The following PRDM10 variants were observed in gnomAD, a reference collection of about 807,000 sequenced individuals.
The protein encoded by PRDM10 is PR domain zinc finger protein 10.
A neutral mutation model predicts 133.1 loss-of-function variants in PRDM10; 65 were observed. The ratio of observed to expected loss-of-function variants is 0.49; its 90% CI spans 0.40 to 0.60. PRDM10 has a LOEUF of 0.60. Ranked by LOEUF, PRDM10 falls within the 20% of genes least tolerant of loss-of-function variation. PRDM10 has a pLI of 0.00. For synonymous variants in PRDM10, 582 were observed against 580.4 expected (o/e 1.00, Z -0.04); for missense variants, 1,137 against 1,507.1 (o/e 0.75, Z 4.07).
intron 4 of PRDM10, chr11:129,948,065 G>A (rs1208203870): frequency 2.2e-6 from 1 of 456,582 alleles, no homozygotes; most frequent in Non-Finnish European, 4.4e-6. Flanking sequence ...AAGAATGAAA[G>A]AGATGAGGTG....
intron 1 of PRDM10, among the ~76,000 whole-genome samples, chr11:129,975,397 C>A (rs1937704570): frequency 6.6e-6 from 1 of 151,766 alleles, no homozygotes; most frequent in Admixed American, 6.6e-5. Context: ...TGCACTCCAG[C>A]CTGGATAACA....
chr11:129,997,497 A>G (rs1250627955), intron 1 of PRDM10, among the ~76,000 whole-genome samples: 1 of 152,210 alleles, frequency 6.6e-6, no homozygotes, highest in African/African-American at 2.4e-5. Flanking sequence ...AGAAAAGGAA[A>G]AAAAAAAGAC....
intron 6 of PRDM10, 62 bp downstream of exon 6, chr11:129,944,709 A>T: frequency 6.3e-7 from 1 of 1,585,816 alleles, no homozygotes; most frequent in Non-Finnish European, 8.6e-7. Context: ...TGAGTAGACA[A>T]CGCAGTGCTC....
chr11:129,906,098 C>G lies in PRDM10; in HGVS notation c.3164-357G>C, dbSNP rs1950008058. Among the ~76,000 whole-genome samples, 4 of 152,116 alleles carry G rather than the reference C, an allele frequency of 2.6e-5. No homozygotes were observed. In the South Asian group the frequency reaches 8.3e-4, roughly 32 times the overall value. ...ATTTGAATTTGTGACACAAATGTAT[C>G]CACACTTGGCAATTATAATTTAATC... On this transcript the variant is annotated intron_variant, in intron 19 of 20. Coordinates refer to ENST00000360871, the MANE Select transcript of PRDM10 (RefSeq NM_199437.2).
chr11:129,963,446 G>GAAGAGAAGAGAAGAGAAGAGAAGAGAA (rs1951842555), intron 1 of PRDM10, among the ~76,000 whole-genome samples: 4 of 148,782 alleles, frequency 2.7e-5, no homozygotes, highest in Non-Finnish European at 5.9e-5. Flanking sequence ...GAAGAGAAGA[G>GAAGAGAAGAGAAGAGAAGAGAAGAGAA]AAGAGAAGAA....
chr11:129,971,339 G>A (rs771751149), intron 1 of PRDM10, among the ~76,000 whole-genome samples: 9 of 152,088 alleles, frequency 5.9e-5, no homozygotes, highest in African/African-American at 1.9e-4. Context: ...AGAGCCCAGT[G>A]GTCTGTTTTG....
At chr11:129,960,060 T>C (rs1951768255) in intron 2 of PRDM10, among the ~76,000 whole-genome samples, 1 of 151,998 alleles carries the variant, frequency 6.6e-6, no homozygotes, top group Non-Finnish European at 1.5e-5. Flanking sequence ...ATTTGGTCCA[T>C]ACTGAGACTT....
At chr11:129,929,699 T>G (rs1950790786) in intron 11 of PRDM10, among the ~76,000 whole-genome samples, 1 of 150,470 alleles carries the variant, frequency 6.6e-6, no homozygotes, top group African/African-American at 2.4e-5. Flanking sequence ...GGCTGGACTG[T>G]GTTTGTGCAT....
intron 1 of PRDM10, among the ~76,000 whole-genome samples, chr11:129,989,642 T>C (rs1938623251): frequency 1.3e-5 from 2 of 152,216 alleles, no homozygotes. Flanking sequence ...GTTGTTAGGA[T>C]AAACTCCTGG....
chr11:129,971,882 G>A (rs968575911), intron 1 of PRDM10, among the ~76,000 whole-genome samples: 1 of 152,236 alleles, frequency 6.6e-6, no homozygotes, highest in African/African-American at 2.4e-5. Context: ...GTAGAGCAGG[G>A]GGCGGCGCTC....
rs537504082 is a variant in PRDM10, at chr11:129,938,532, T to G, written c.967-862A>C. ...TTCTCCATCCCCGCTTTTGCCACCC[T>G]GATGCATGCCAAGACCATTTCTTGC... is the stretch of plus-strand genomic sequence containing the variant. On this transcript the variant is annotated intron_variant, in intron 7 of 20. Transcript: ENST00000360871. Among the ~76,000 whole-genome samples the G allele has an allele frequency of 3.3e-5, 5 of 152,284 alleles. No individual in the cohort carries two copies. In the South Asian group the frequency reaches 1.0e-3, roughly 32 times the overall value.
At chr11:129,916,979 C>T in intron 15 of PRDM10, 148 bp downstream of exon 15, 1 of 519,452 alleles carries the variant, frequency 1.9e-6, no homozygotes. Context: ...ATTTCTAGTC[C>T]TTTCTTGTCT....
chr11:129,924,734 T>C, intron 12 of PRDM10, 148 bp downstream of exon 12: 2 of 677,862 alleles, frequency 3.0e-6, no homozygotes, highest in Admixed American at 6.3e-5. Flanking sequence ...TAAAAGTAGT[T>C]TGATTGAAGA....
At position 129,947,176 on chromosome 11, in the gene PRDM10, G is replaced by A. The variant is rs760228012; in HGVS notation, c.489C>T (p.Asp163=). The change falls in exon 5 of 21, where the codon GAC becomes GAT. Residue 163 remains aspartate, a synonymous_variant. Transcript: ENST00000360871. The surrounding 1 kb of genome is among the most constrained non-coding windows in gnomAD (Gnocchi z 4.6). ...EDTDLDDWEP[D]PPRPFDPHDL... ...CGTGTGGGTCGAAGGGCCGGGGCGG[G>A]TCTGGCTCCCAGTCATCCAGATCCG... is the stretch of plus-strand genomic sequence containing the variant. 1.9e-6 allele frequency: 3 copies of A among 1,613,932 alleles called. No individual in the cohort carries two copies. Among genetic ancestry groups the A allele is most frequent in the African/African-American group, 1.3e-5 (1 of 74,882 alleles).
intron 1 of PRDM10, among the ~76,000 whole-genome samples, chr11:129,965,738 C>CAA (rs1323717183): frequency 0.015 from 1,996 of 136,602 alleles, 44 homozygotes; most frequent in African/African-American, 0.052. Flanking sequence ...ACATGTTTAT[C>CAA]AAAAAAAAAA....
intron 1 of PRDM10, among the ~76,000 whole-genome samples, chr11:129,983,594 G>A (rs551846396): frequency 1.1e-4 from 17 of 152,206 alleles, no homozygotes; most frequent in African/African-American, 2.2e-4. Context: ...CACCTCGCCC[G>A]GCCTAAAAAT....
chr11:129,963,945 G>A (rs1460842966), intron 1 of PRDM10, among the ~76,000 whole-genome samples: 2 of 152,108 alleles, frequency 1.3e-5, no homozygotes, highest in African/African-American at 2.4e-5. Flanking sequence ...AATCCCAAAC[G>A]GTTCCCTGCT....
intron 10 of PRDM10, among the ~76,000 whole-genome samples, 177 bp downstream of exon 10, chr11:129,931,925 C>T (rs1950881664): frequency 6.6e-6 from 1 of 152,134 alleles, no homozygotes; most frequent in South Asian, 2.1e-4. Flanking sequence ...TTGTAGGTAA[C>T]ACTTGAAAAT....
At chr11:129,951,261 G>C (rs1202544948) in intron 4 of PRDM10, among the ~76,000 whole-genome samples, 1 of 152,172 alleles carries the variant, frequency 6.6e-6, no homozygotes, top group Non-Finnish European at 1.5e-5. Flanking sequence ...CTCCTAAGTG[G>C]CAGAGATGAA....
Sources: allele counts gnomAD v4.1 joint callset (sites outside exome capture counted in the v4.1 genomes callset), GRCh38; gene constraint gnomAD v4.1.1; non-coding constraint Gnocchi (gnomAD v3.1); transcripts MANE v1.5; gene names NCBI Gene and HGNC (gene_info 2026-07-23, HGNC 2026-07-21).